CDC73: variants seen among roughly 807,000 people sequenced by gnomAD.
The protein encoded by CDC73 is cell division cycle 73.
Under a neutral mutation model 83.7 loss-of-function variants are expected in CDC73, and 21 were observed. That is an observed-to-expected ratio of 0.25 (90% CI 0.18 to 0.36). The LOEUF (loss-of-function observed/expected upper bound fraction) is 0.36, where lower values mean the gene tolerates loss of function less well. CDC73 is among the 10% of genes least tolerant of loss of function. The pLI is 1.00. For synonymous variants in CDC73, 224 were observed against 212.9 expected (o/e 1.05, Z -0.45); for missense variants, 342 against 653.3 (o/e 0.52, Z 5.19).
chr1:193,123,473 C>T (rs1403730399), intron 1 of CDC73, among the ~76,000 whole-genome samples: 2 of 152,138 alleles, frequency 1.3e-5, no homozygotes, highest in Admixed American at 6.5e-5. Flanking sequence ...ATAATCTGCC[C>T]GCCTCCACTT....
intron 10 of CDC73, among the ~76,000 whole-genome samples, chr1:193,171,701 A>G (rs1039561492): frequency 3.3e-5 from 5 of 152,154 alleles, no homozygotes; most frequent in Non-Finnish European, 7.4e-5. Flanking sequence ...TGGGCCAATC[A>G]GGAAAATCTC....
chr1:193,161,375 T>TA (rs949066293), intron 10 of CDC73, among the ~76,000 whole-genome samples: 2 of 151,328 alleles, frequency 1.3e-5, no homozygotes, highest in Non-Finnish European at 2.9e-5. Context: ...TTTAAGATCT[T>TA]ACTTTTGTTT....
At chr1:193,181,641 A>G (rs375044037) in intron 10 of CDC73, 4 of 1,286,296 alleles carry the variant, frequency 3.1e-6, no homozygotes, top group East Asian at 2.4e-5. Flanking sequence ...TTCTTTGGCA[A>G]TCATTTTCTA....
intron 3 of CDC73, among the ~76,000 whole-genome samples, chr1:193,134,351 G>A (rs1003665342): frequency 2.6e-5 from 4 of 152,072 alleles, no homozygotes; most frequent in Non-Finnish European, 5.9e-5. Flanking sequence ...AGGCCATACA[G>A]TAGAGTACTC....
At chr1:193,175,592 A>G (rs1676587130) in intron 10 of CDC73, among the ~76,000 whole-genome samples, 2 of 152,240 alleles carry the variant, frequency 1.3e-5, no homozygotes, top group African/African-American at 2.4e-5. Context: ...CTGAACATGT[A>G]TAGACTTTTG....
At chr1:193,133,198 G>A (rs1675726938) in intron 3 of CDC73, among the ~76,000 whole-genome samples, 1 of 152,050 alleles carries the variant, frequency 6.6e-6, no homozygotes, top group Non-Finnish European at 1.5e-5. Flanking sequence ...ACCGCGCCTG[G>A]CAGTTTTTAT....
At chr1:193,176,106 C>T (rs1676597958) in intron 10 of CDC73, among the ~76,000 whole-genome samples, 1 of 151,986 alleles carries the variant, frequency 6.6e-6, no homozygotes. Flanking sequence ...AAATGTGAAA[C>T]ATTGGGCTAG....
At chr1:193,129,892 A>G (rs1675664583) in intron 2 of CDC73, among the ~76,000 whole-genome samples, 1 of 152,184 alleles carries the variant, frequency 6.6e-6, no homozygotes. Flanking sequence ...ATTTTGTTCA[A>G]ATGTGATTTA....
intron 10 of CDC73, among the ~76,000 whole-genome samples, chr1:193,190,943 G>T (rs996073198): frequency 1.3e-5 from 2 of 152,182 alleles, no homozygotes; most frequent in Admixed American, 1.3e-4. Flanking sequence ...TAGGGCCAGG[G>T]TAGGTAGTAG....
At chr1:193,127,342 C>T (rs949497950) in intron 2 of CDC73, among the ~76,000 whole-genome samples, 2 of 149,712 alleles carry the variant, frequency 1.3e-5, no homozygotes, top group African/African-American at 4.9e-5. Flanking sequence ...GAAAGTATCC[C>T]GTCACTTAGT....
At position 193,159,798 on chromosome 1, in the gene CDC73, A is replaced by G. The variant is rs1403058275; in HGVS notation, c.972+7354A>G. On this transcript the variant is annotated intron_variant, in intron 10 of 16. Transcript: ENST00000367435. ...ATATACTCTTTTTCTCTAATTGGCT[A>G]GTATTTAGACTGAACACTTATTTAG... Among the ~76,000 whole-genome samples, 3 of 152,216 alleles carry G rather than the reference A, an allele frequency of 2.0e-5. No homozygotes were observed. The South Asian group carries it at 6.2e-4, about 32-fold the overall frequency.
rs145321371 is a variant in CDC73, at chr1:193,197,771, G to C, written c.973-6024G>C. On this transcript the variant is annotated intron_variant, in intron 10 of 16. Coordinates refer to ENST00000367435, the MANE Select transcript of CDC73 (RefSeq NM_024529.5). ...TGAAACCCCGTCTCTACTAAAAATAGAAAAATTAGCCAGGTTTGATGGTGC... is the reference window on the plus strand; with the variant it reads ...TGAAACCCCGTCTCTACTAAAAATACAAAAATTAGCCAGGTTTGATGGTGC... 9.5e-3 allele frequency among the ~76,000 whole-genome samples: 1,442 copies of C among 151,696 alleles called. 15 individuals carry two copies. The highest frequency in any genetic ancestry group is 0.034 in the South Asian group (164 of 4,788).
chr1:193,158,999 G>A (rs138911053), intron 10 of CDC73, among the ~76,000 whole-genome samples: 1,861 of 152,252 alleles, frequency 0.012, 19 homozygotes, highest in South Asian at 0.034. Context: ...TTTCTAAGAA[G>A]CCATCACGTA....
rs767254478 is a variant in CDC73 at position 193,250,696 on chromosome 1, C to T, written c.1580C>T (p.Ser527Leu). ...TTCAGGTACATGGTAAAGCATAAAT[C>T]GCACTTGAGATTCTGAATTATTTGG... ...TLDRYMVKHK[S>L]HLRF The change falls in exon 17 of 17, where the codon TCG becomes TTG. Residue 527 changes from serine to leucine, a missense_variant. Ser to Leu is a moderately radical substitution (Grantham distance 145, BLOSUM62 -2). This residue lies in a region of CDC73 where 239 missense variants were observed against 420.6 expected (regional missense o/e 0.57). Transcript: ENST00000367435. The T allele has an allele frequency of 8.7e-6, 14 of 1,608,430 alleles. No individual in the cohort carries two copies. The highest frequency in any genetic ancestry group is 3.3e-5 in the Admixed American group (2 of 59,746).
intron 10 of CDC73, chr1:193,180,209 C>T (rs1194573492): frequency 8.2e-7 from 1 of 1,220,616 alleles, no homozygotes; most frequent in Non-Finnish European, 1.1e-6. Flanking sequence ...TTAACTAAAA[C>T]TTGTCCTACG....
At chr1:193,236,865 CA>C in intron 15 of CDC73, 1 of 152,326 alleles carries the variant, frequency 6.6e-6, no homozygotes, top group Non-Finnish European at 1.4e-5. Context: ...GCCTGGGCAA[CA>C]AGAGCGAAAC....
chr1:193,141,720 TACAG>T, intron 6 of CDC73, 126 bp from the exon 7 acceptor site: 1 of 674,380 alleles, frequency 1.5e-6, no homozygotes, highest in Non-Finnish European at 2.6e-6. Context: ...AAGTCAGTCT[TACAG>T]ATAAGAAAAC....
chr1:193,151,643 T>G (rs1333863908), intron 9 of CDC73, among the ~76,000 whole-genome samples: 1 of 152,188 alleles, frequency 6.6e-6, no homozygotes, highest in Non-Finnish European at 1.5e-5. Flanking sequence ...TGTAATATGG[T>G]TGATTGCTGT....
At chr1:193,246,741 A>G (rs1443576235) in intron 15 of CDC73, among the ~76,000 whole-genome samples, 1 of 152,132 alleles carries the variant, frequency 6.6e-6, no homozygotes, top group East Asian at 1.9e-4. Context: ...TTAATAAACT[A>G]TAATTATTCT....
Sources: allele counts gnomAD v4.1 joint callset (sites outside exome capture counted in the v4.1 genomes callset), GRCh38; gene constraint gnomAD v4.1.1; regional missense constraint gnomAD v4.1.1; transcripts MANE v1.5; gene names NCBI Gene and HGNC (gene_info 2026-07-23, HGNC 2026-07-21).